The following MTCL1 variants were observed in gnomAD, a reference collection of about 807,000 sequenced individuals.
MTCL1 encodes microtubule cross-linking factor 1.
MTCL1 carries 79 observed loss-of-function variants against 141.4 expected under a neutral mutation model. That is an observed-to-expected ratio of 0.56 (90% CI 0.47 to 0.67). The LOEUF (loss-of-function observed/expected upper bound fraction) is 0.67. MTCL1 is among the 30% of genes least tolerant of loss of function. The pLI, the probability that MTCL1 is intolerant of heterozygous loss-of-function variation, is 0.00. For synonymous variants in MTCL1, 914 were observed against 875.8 expected (o/e 1.04, Z -0.77); for missense variants, 2,177 against 2,113.9 (o/e 1.03, Z -0.59).
chr18:8,793,930 T>C (rs2075823451), intron 8 of MTCL1, among the ~76,000 whole-genome samples: 1 of 152,244 alleles, frequency 6.6e-6, no homozygotes, highest in Non-Finnish European at 1.5e-5. Context: ...TAAGCCCCCA[T>C]GTTGACTGAG....
At chr18:8,705,647 C>T (rs2096056404), upstream of MTCL1, 4 of 1,211,054 alleles carry the variant, frequency 3.3e-6, no homozygotes, top group Non-Finnish European at 3.1e-6. This position sits in a 1 kb window ranked among gnomAD's most constrained non-coding sequence, Gnocchi z 5.2. Flanking sequence ...GAGCTGCTGC[C>T]GGCGGACCCG....
At chr18:8,824,089 C>T (rs1231680167) in intron 14 of MTCL1, among the ~76,000 whole-genome samples, 1 of 152,210 alleles carries the variant, frequency 6.6e-6, no homozygotes, top group Non-Finnish European at 1.5e-5. Context: ...CAGGCACAGG[C>T]AGCCCCAGCC....
At chr18:8,809,474 C>A (rs2076406931) in intron 11 of MTCL1, 2 of 1,535,700 alleles carry the variant, frequency 1.3e-6, no homozygotes, top group African/African-American at 2.7e-5. Flanking sequence ...CCAGAATTAA[C>A]ATTGAGGAGG....
chr18:8,786,371 T>G, intron 7 of MTCL1: 2 of 644,182 alleles, frequency 3.1e-6, no homozygotes, highest in Non-Finnish European at 5.8e-6. Flanking sequence ...CACCTGGAAG[T>G]AGGCTGATTG....
chr18:8,807,355 G>T (rs1189400529), intron 11 of MTCL1, among the ~76,000 whole-genome samples: 2 of 152,252 alleles, frequency 1.3e-5, no homozygotes, highest in Non-Finnish European at 2.9e-5. Context: ...CGGCCAGGCT[G>T]AAGCTGTCAT....
chr18:8,803,467 T>C (rs552027138), intron 10 of MTCL1, among the ~76,000 whole-genome samples: 15 of 152,260 alleles, frequency 9.9e-5, no homozygotes, highest in Admixed American at 9.8e-4. Flanking sequence ...TTATCATTAC[T>C]ATTTTTTTGC....
At chr18:8,728,720 CTTTTTTTTTTTTTTTTTT>C (rs34524200) in intron 4 of MTCL1, among the ~76,000 whole-genome samples, 3 of 59,038 alleles carry the variant, frequency 5.1e-5, no homozygotes, top group Non-Finnish European at 6.2e-5. Context: ...GTTGTCCATT[CTTTTTTTTTTTTTTTTTT>C]TTTTTTTTTT....
Position 8,779,004 on chromosome 18 carries a change from G to A in MTCL1, c.417+1112G>A, listed in dbSNP as rs1424312158. On this transcript the variant is annotated intron_variant, in intron 5 of 16. Coordinates refer to ENST00000359865, the Ensembl canonical transcript of MTCL1. The surrounding 1 kb of genome is among the most constrained non-coding windows in gnomAD (Gnocchi z 4.1). ...CGTTGAGCCGCCCACCCAGCCGGTGGGATTATTGAGGAAGGAGTTTCTGTT... is the reference window on the plus strand; with the variant it reads ...CGTTGAGCCGCCCACCCAGCCGGTGAGATTATTGAGGAAGGAGTTTCTGTT... 1.3e-5 allele frequency among the ~76,000 whole-genome samples: 2 copies of A among 152,200 alleles called. No homozygotes were observed. Among genetic ancestry groups the A allele is most frequent in the African/African-American group, 2.4e-5 (1 of 41,456 alleles).
At chr18:8,812,787 G>A (rs950315307) in intron 11 of MTCL1, 192 bp from the exon 11 acceptor site, 19 of 653,314 alleles carry the variant, frequency 2.9e-5, no homozygotes, top group Non-Finnish European at 4.0e-5. Flanking sequence ...TTTACTCACC[G>A]CTTAACATTC....
At chr18:8,826,887 C>G (rs186488516) in intron 15 of MTCL1, among the ~76,000 whole-genome samples, 2 of 152,356 alleles carry the variant, frequency 1.3e-5, no homozygotes, top group Non-Finnish European at 2.9e-5. Flanking sequence ...AATCAATCCA[C>G]TGTGAATTGG....
chr18:8,784,737 C>G (rs1279077997), exon 6 of MTCL1: 1 of 1,614,214 alleles, frequency 6.2e-7, no homozygotes, highest in South Asian at 1.1e-5. Flanking sequence ...GGCCTATCCC[C>G]CTTGCCCCAC....
At chr18:8,809,617 C>T (rs1473998768) in intron 11 of MTCL1, 3 of 1,529,842 alleles carry the variant, frequency 2.0e-6, no homozygotes, top group Non-Finnish European at 2.6e-6. Context: ...GTGGAGGGCA[C>T]ACACCTGAAA....
exon 17 of MTCL1, chr18:8,832,413 T>C (rs112917926): frequency 5.8e-5 from 9 of 155,336 alleles, no homozygotes; most frequent in South Asian, 2.0e-4. Flanking sequence ...TCAGTGGGCT[T>C]AGAAAATTCA....
At chr18:8,829,481 G>A (rs1423458426) in intron 16 of MTCL1, 6 of 943,900 alleles carry the variant, frequency 6.4e-6, no homozygotes, top group Admixed American at 6.2e-5. Flanking sequence ...AGTGAGCACC[G>A]TGGGTGACAG....
upstream of MTCL1, among the ~76,000 whole-genome samples, chr18:8,712,932 T>G (rs1180778268): frequency 2.6e-5 from 4 of 152,234 alleles, no homozygotes; most frequent in African/African-American, 7.2e-5. Context: ...TTACTGATTT[T>G]GGGTATTTAA....
exon 15 of MTCL1, chr18:8,825,812 C>T (rs754784653): frequency 1.5e-5 from 24 of 1,614,078 alleles, no homozygotes; most frequent in East Asian, 1.1e-4. Context: ...GGGAGAGCCC[C>T]GTGCACACCA....
At chr18:8,725,793 T>TTTTTTTTTTTTTTTTTTTTTTTTG (rs1164650937) in intron 4 of MTCL1, among the ~76,000 whole-genome samples, 1 of 59,736 alleles carries the variant, frequency 1.7e-5, no homozygotes, top group Non-Finnish European at 3.3e-5. Context: ...TTTTTTTCTT[T>TTTTTTTTTTTTTTTTTTTTTTTTG]TTTTTTTTTT....
chr18:8,725,956 AT>A (rs1344665462), intron 4 of MTCL1, among the ~76,000 whole-genome samples: 1 of 150,868 alleles, frequency 6.6e-6, no homozygotes, highest in Non-Finnish European at 1.5e-5. Flanking sequence ...CGCCCGGCTA[AT>A]TTTTTTTGCA....
At position 8,728,720 on chromosome 18, in the gene MTCL1, C is replaced by CTTTTTTTTTTTTTTTTTT. The variant is rs34524200; in HGVS notation, c.357+8235_357+8252dup. ...GTGGGGCCTTCTTATGTTGTCCATT[C>CTTTTTTTTTTTTTTTTTT]TTTTTTTTTTTTTTTTTTTTTTTTT... On this transcript the variant is annotated intron_variant, in intron 4 of 16. Transcript: ENST00000359865. Among the ~76,000 whole-genome samples, 3 of 59,038 alleles carry CTTTTTTTTTTTTTTTTTT rather than the reference C, an allele frequency of 5.1e-5. 1 individual carries two copies. Among genetic ancestry groups the CTTTTTTTTTTTTTTTTTT allele is most frequent in the Non-Finnish European group, 9.3e-5 (3 of 32,218 alleles). The allele number at this position is 59,038 out of a possible 152,430, so 38.7% of individuals were successfully genotyped here.
Sources: gnomAD v4.1 joint callset for allele counts (sites outside exome capture counted in the v4.1 genomes callset) on GRCh38, gnomAD v4.1.1 for gene constraint, Gnocchi (gnomAD v3.1) non-coding constraint, MANE v1.5 for transcripts, NCBI Gene and HGNC (gene_info 2026-07-23, HGNC 2026-07-21) for gene names.